The following FBLN1 variants were observed in gnomAD, a reference collection of about 807,000 sequenced individuals.
The protein encoded by FBLN1 is fibulin 1.
Under a neutral mutation model 89.7 loss-of-function variants are expected in FBLN1, and 34 were observed. The observed-to-expected ratio is 0.38, with a 90% CI of 0.29 to 0.50. FBLN1 has a LOEUF of 0.50. Among genes scored for constraint, FBLN1 ranks in the 20% least tolerant of loss-of-function variants. The pLI, the probability that FBLN1 is intolerant of heterozygous loss-of-function variation, is 0.92. For missense variants in FBLN1, 777 were observed against 988.1 expected, an observed-to-expected ratio of 0.79 and a Z score of 2.86; for synonymous variants, 393 against 391.3, an observed-to-expected ratio of 1.00 and a Z score of -0.05.
chr22:45,519,746 C>T (rs115696068), intron 2 of FBLN1, among the ~76,000 whole-genome samples: 1,632 of 152,252 alleles, frequency 0.011, 20 homozygotes, highest in African/African-American at 0.036. Flanking sequence ...ACCGTCTGCA[C>T]GGACAGCAGC....
chr22:45,557,155 C>T lies in FBLN1; in HGVS notation c.1697+6540C>T, dbSNP rs2088798805. Among the ~76,000 whole-genome samples the T allele has an allele frequency of 6.6e-6, 1 of 152,176 alleles. No homozygotes were observed. Among genetic ancestry groups the T allele is most frequent in the Non-Finnish European group, 1.5e-5 (1 of 68,038 alleles). On this transcript the variant is annotated intron_variant, in intron 14 of 16. Transcript: ENST00000327858. This position sits in a 1 kb window ranked among gnomAD's most constrained non-coding sequence, Gnocchi z 4.9. ...AACCAGTGAATTCCATGAGCATGAGCCCACTGCCACACCTCTTTAGCAGTA... is the reference window on the plus strand; with the variant it reads ...AACCAGTGAATTCCATGAGCATGAGTCCACTGCCACACCTCTTTAGCAGTA...
chr22:45,537,942 T>C lies in FBLN1; in HGVS notation c.922+2605T>C, dbSNP rs2088504059. On this transcript the variant is annotated intron_variant, in intron 8 of 16. Transcript: ENST00000327858. The surrounding 1 kb of genome is among the most constrained non-coding windows in gnomAD (Gnocchi z 5.7). ...GGAGGAGGCTGGCGTCGACTGAGGA[T>C]GGAAACCCTGACTCATGGCAAAATC... Among the ~76,000 whole-genome samples the C allele has an allele frequency of 6.6e-6, 1 of 152,196 alleles. No homozygotes were observed. The highest frequency in any genetic ancestry group is 2.1e-4 in the South Asian group (1 of 4,834).
At chr22:45,589,836 G>A (rs947812301) in intron 16 of FBLN1, among the ~76,000 whole-genome samples, 5 of 149,834 alleles carry the variant, frequency 3.3e-5, no homozygotes, top group South Asian at 4.2e-4. Flanking sequence ...CACCCTCCCC[G>A]CAGAGCACCC....
intron 1 of FBLN1, among the ~76,000 whole-genome samples, chr22:45,509,060 T>TG (rs962721844): frequency 1.3e-5 from 2 of 152,150 alleles, no homozygotes; most frequent in Non-Finnish European, 2.9e-5. Context: ...ATGAACAAGC[T>TG]GGCCTGAGGA....
Position 45,533,139 on chromosome 22 carries a change from G to A in FBLN1, c.621G>A (p.Leu207=). The part of the protein sequence containing the change: ...VVCSCFVGYQ[L]LSDGVSCEDV... Reference sequence around the variant, plus strand: ...GCTCCTGCTTCGTGGGCTACCAGCTGCTGTCTGATGGTGTCTCCTGTGAAG... The same window carrying A: ...GCTCCTGCTTCGTGGGCTACCAGCTACTGTCTGATGGTGTCTCCTGTGAAG... Residue 207 remains leucine, a synonymous_variant, in exon 6 of 17, where the codon CTG becomes CTA. Coordinates refer to ENST00000327858, the MANE Select transcript of FBLN1 (RefSeq NM_006486.3). 1 of 1,614,188 alleles carries A rather than the reference G, an allele frequency of 6.2e-7. No homozygotes were observed. Among genetic ancestry groups the A allele is most frequent in the Non-Finnish European group, 8.5e-7 (1 of 1,179,996 alleles).
In FBLN1 at chr22:45,583,953, A is replaced by C. The variant is rs1357943395; in HGVS notation, c.1972+6845A>C. Among the ~76,000 whole-genome samples, 1 of 152,114 alleles carries C rather than the reference A, an allele frequency of 6.6e-6. No homozygotes were observed. The highest frequency in any genetic ancestry group is 1.5e-5 in the Non-Finnish European group (1 of 68,026). ...GGTCATGCGGTGGCGGATGGGGGTC[A>C]CTTCTGCATAGGCCTGCACTATCGA... is the stretch of plus-strand genomic sequence containing the variant. On this transcript the variant is annotated intron_variant, in intron 16 of 16. Coordinates refer to ENST00000327858, the MANE Select transcript of FBLN1 (RefSeq NM_006486.3). The surrounding 1 kb of genome is among the most constrained non-coding windows in gnomAD (Gnocchi z 4.5).
rs957841263 is a variant in FBLN1, at chr22:45,588,870, C to A, written c.1973-11437C>A. On this transcript the variant is annotated intron_variant, in intron 16 of 16. Coordinates refer to ENST00000327858, the MANE Select transcript of FBLN1 (RefSeq NM_006486.3). The surrounding 1 kb of genome is among the most constrained non-coding windows in gnomAD (Gnocchi z 5.1). Reference sequence around the variant, plus strand: ...GAATCTTTTGGCGGCCTCTCCTAACCGTCTTTAAATCTGCGAAAGGATCTC... The same window carrying A: ...GAATCTTTTGGCGGCCTCTCCTAACAGTCTTTAAATCTGCGAAAGGATCTC... Among the ~76,000 whole-genome samples the A allele has an allele frequency of 6.6e-6, 1 of 150,450 alleles. No homozygotes were observed. The highest frequency in any genetic ancestry group is 3.5e-3 in the Middle Eastern group (1 of 288).
At chr22:45,589,862 CTTG>C (rs1347845744) in intron 16 of FBLN1, among the ~76,000 whole-genome samples, 1 of 152,204 alleles carries the variant, frequency 6.6e-6, no homozygotes, top group Non-Finnish European at 1.5e-5. Flanking sequence ...TCGCCCTTTT[CTTG>C]TTGGGCACCT....
At chr22:45,600,162 G>C (rs1293058320) in intron 16 of FBLN1, 145 bp from the exon 17 acceptor site, 6 of 914,606 alleles carry the variant, frequency 6.6e-6, no homozygotes, top group Admixed American at 1.7e-5. Context: ...TTATTCAGGG[G>C]ACTCGAGCAT....
chr22:45,504,983 T>A (rs1328387582), intron 1 of FBLN1, among the ~76,000 whole-genome samples: 2 of 152,176 alleles, frequency 1.3e-5, no homozygotes, highest in African/African-American at 2.4e-5. Flanking sequence ...CGAAGCCCTG[T>A]ATGTAAGGCC....
intron 16 of FBLN1, among the ~76,000 whole-genome samples, chr22:45,594,704 G>GGATGGATA (rs2089168651): frequency 6.9e-6 from 1 of 144,644 alleles, no homozygotes; most frequent in African/African-American, 2.7e-5. Context: ...ATAGATGGAT[G>GGATGGATA]GATGGATGGA....
intron 14 of FBLN1, among the ~76,000 whole-genome samples, chr22:45,554,050 C>A (rs2088742847): frequency 6.6e-6 from 1 of 152,198 alleles, no homozygotes; most frequent in African/African-American, 2.4e-5. Context: ...GTAAGACAGG[C>A]CGACTTTGAA....
chr22:45,515,797 C>T (rs975235516), intron 1 of FBLN1, among the ~76,000 whole-genome samples: 1 of 152,202 alleles, frequency 6.6e-6, no homozygotes, highest in African/African-American at 2.4e-5. Context: ...GTGCAAGCCC[C>T]GTTTTCCCAC....
chr22:45,593,358 G>A (rs2089155966), intron 16 of FBLN1, among the ~76,000 whole-genome samples: 1 of 152,156 alleles, frequency 6.6e-6, no homozygotes, highest in Non-Finnish European at 1.5e-5. Context: ...CACATCAGCT[G>A]CAACTTACAG....
chr22:45,546,880 G>A (rs190419840), intron 11 of FBLN1, among the ~76,000 whole-genome samples: 140 of 152,312 alleles, frequency 9.2e-4, no homozygotes, highest in Middle Eastern at 3.4e-3. Flanking sequence ...AGTTGTGGTC[G>A]AAGCAGGCAG....
chr22:45,591,196 G>T (rs970743147), intron 16 of FBLN1, among the ~76,000 whole-genome samples: 4 of 152,156 alleles, frequency 2.6e-5, no homozygotes, highest in African/African-American at 9.7e-5. Context: ...CTTGCTGGCC[G>T]TGTGATTGTC....
At position 45,577,367 on chromosome 22, in the gene FBLN1, T is replaced by C. The variant is rs2089006725; in HGVS notation, c.1972+259T>C. 6.6e-6 allele frequency among the ~76,000 whole-genome samples: 1 copy of C among 152,226 alleles called. No homozygotes were observed. The highest frequency in any genetic ancestry group is 1.5e-5 in the Non-Finnish European group (1 of 68,032). ...TGACCCCTCTGGGTCTCGGTCTCCCTGCCTATAACATGGGTGGGTTCCAGA... is the reference window on the plus strand; with the variant it reads ...TGACCCCTCTGGGTCTCGGTCTCCCCGCCTATAACATGGGTGGGTTCCAGA... On this transcript the variant is annotated intron_variant, in intron 16 of 16. Coordinates refer to ENST00000327858, the MANE Select transcript of FBLN1 (RefSeq NM_006486.3). The surrounding 1 kb of genome is among the most constrained non-coding windows in gnomAD (Gnocchi z 6.6).
Position 45,577,731 on chromosome 22 carries a change from A to G in FBLN1, c.1972+623A>G, listed in dbSNP as rs1300173955. Reference sequence around the variant, plus strand: ...TCCGGTGTTTGGGGAGCGTGAAGGGAGGCTGGGGCATGAGGGGACTGTGGA... The same window carrying G: ...TCCGGTGTTTGGGGAGCGTGAAGGGGGGCTGGGGCATGAGGGGACTGTGGA... On this transcript the variant is annotated intron_variant, in intron 16 of 16. Transcript: ENST00000327858. The surrounding 1 kb of genome is among the most constrained non-coding windows in gnomAD (Gnocchi z 6.6). Among the ~76,000 whole-genome samples the G allele has an allele frequency of 6.6e-6, 1 of 152,024 alleles. No homozygotes were observed. The highest frequency in any genetic ancestry group is 1.5e-5 in the Non-Finnish European group (1 of 68,000).
chr22:45,571,296 G>A (rs1569261309), intron 14 of FBLN1, among the ~76,000 whole-genome samples: 2 of 152,068 alleles, frequency 1.3e-5, no homozygotes, highest in Non-Finnish European at 2.9e-5. Flanking sequence ...GAAAAGTTAA[G>A]CCCAGAATTT....
Sources: allele counts gnomAD v4.1 joint callset (sites outside exome capture counted in the v4.1 genomes callset), GRCh38; gene constraint gnomAD v4.1.1; non-coding constraint Gnocchi (gnomAD v3.1); transcripts MANE v1.5; gene names NCBI Gene and HGNC (gene_info 2026-07-23, HGNC 2026-07-21).